Variants in SMYD3 observed in about 807,000 individuals in gnomAD.
SMYD3 encodes SET and MYND domain containing 3.
A neutral mutation model predicts 57.7 loss-of-function variants in SMYD3; 36 were observed. The ratio of observed to expected loss-of-function variants is 0.62; its 90% CI spans 0.48 to 0.82. The LOEUF is 0.82. Ranked by LOEUF, SMYD3 falls within the 40% of genes least tolerant of loss-of-function variation. SMYD3 has a pLI of 0.00. For synonymous variants in SMYD3, 211 were observed against 195.0 expected (o/e 1.08, Z -0.68); for missense variants, 515 against 538.8 (o/e 0.96, Z 0.44).
At chr1:245,793,156 A>AG (rs1456646619) in intron 10 of SMYD3, among the ~76,000 whole-genome samples, 1 of 149,282 alleles carries the variant, frequency 6.7e-6, no homozygotes, top group Non-Finnish European at 1.5e-5. Flanking sequence ...AAAAATACAA[A>AG]AAATGAGCCG....
intron 5 of SMYD3, among the ~76,000 whole-genome samples, chr1:246,301,288 T>G (rs963798003): frequency 1.3e-5 from 2 of 152,162 alleles, no homozygotes; most frequent in African/African-American, 4.8e-5. Context: ...CAAACATTTA[T>G]TAAGCAATTC....
At chr1:245,806,411 A>G (rs1319915267) in intron 10 of SMYD3, among the ~76,000 whole-genome samples, 3 of 152,224 alleles carry the variant, frequency 2.0e-5, no homozygotes, top group Admixed American at 1.3e-4. Context: ...TCCATTTTAG[A>G]AATGGGAAAA....
chr1:246,147,368 A>C (rs919451694), intron 5 of SMYD3, among the ~76,000 whole-genome samples: 3 of 152,164 alleles, frequency 2.0e-5, no homozygotes. Context: ...TGAGACAAAG[A>C]AGCTAGAAAA....
intron 5 of SMYD3, among the ~76,000 whole-genome samples, chr1:246,155,003 G>A (rs369557458): frequency 6.6e-6 from 1 of 151,854 alleles, no homozygotes; most frequent in African/African-American, 2.4e-5. Flanking sequence ...GGATGGTCTC[G>A]AGCTCCTGAC....
intron 10 of SMYD3, among the ~76,000 whole-genome samples, chr1:245,791,614 G>C (rs1204394823): frequency 2.2e-5 from 3 of 138,870 alleles, no homozygotes; most frequent in Non-Finnish European, 3.1e-5. Flanking sequence ...ACGGGAGAAA[G>C]AGAGAGGGGG....
intron 5 of SMYD3, among the ~76,000 whole-genome samples, chr1:246,324,766 T>G (rs565473748): frequency 6.6e-6 from 1 of 151,652 alleles, no homozygotes; most frequent in South Asian, 2.1e-4. Flanking sequence ...TTTCTTCTCT[T>G]TGATTAATTA....
chr1:246,485,167 T>C (rs927165120), intron 1 of SMYD3, among the ~76,000 whole-genome samples: 1 of 147,860 alleles, frequency 6.8e-6, no homozygotes, highest in African/African-American at 2.5e-5. Context: ...ACCTAAACTA[T>C]TGCACTAGTT....
Position 246,093,600 on chromosome 1 carries a change from G to A in SMYD3, c.532-163663C>T, listed in dbSNP as rs143826260. Among the ~76,000 whole-genome samples, 5 of 152,240 alleles carry A rather than the reference G, an allele frequency of 3.3e-5. No individual in the cohort carries two copies. The East Asian group carries it at 5.8e-4, about 18-fold the overall frequency. On this transcript the variant is annotated intron_variant, in intron 5 of 11. Transcript: ENST00000490107. ...AGAGAGTAGAGGGGTGGTTATCAGC[G>A]GCTGCGAACAGTAGTGGGGGATGAA...
At chr1:246,140,415 A>C (rs2061734305) in intron 5 of SMYD3, among the ~76,000 whole-genome samples, 1 of 152,218 alleles carries the variant, frequency 6.6e-6, no homozygotes, top group South Asian at 2.1e-4. Context: ...AGGTCAACAA[A>C]TGTTAGCTTT....
intron 8 of SMYD3, among the ~76,000 whole-genome samples, chr1:245,896,483 G>A (rs2053810941): frequency 6.6e-6 from 1 of 151,666 alleles, no homozygotes; most frequent in Admixed American, 6.6e-5. Context: ...CAGGGCCTGA[G>A]GTCTGGAAGT....
Position 246,452,846 on chromosome 1 carries a change from T to C in SMYD3, c.164+54208A>G, listed in dbSNP as rs192911794. ...CATATCAGTCTATAACTTTCTAATG[T>C]TTTACTGGAAACATTACTGAAACAC... On this transcript the variant is annotated intron_variant, in intron 1 of 11. Coordinates refer to ENST00000490107, the MANE Select transcript of SMYD3 (RefSeq NM_001167740.2). Among the ~76,000 whole-genome samples the C allele has an allele frequency of 4.6e-5, 7 of 152,284 alleles. No individual in the cohort carries two copies. The East Asian group carries it at 9.6e-4, about 21-fold the overall frequency.
At chr1:246,281,712 A>C (rs1396082986) in intron 5 of SMYD3, among the ~76,000 whole-genome samples, 1 of 152,222 alleles carries the variant, frequency 6.6e-6, no homozygotes, top group Non-Finnish European at 1.5e-5. Context: ...TATGGGCATA[A>C]CCTATGCTTA....
chr1:246,290,503 T>C (rs940727696), intron 5 of SMYD3, among the ~76,000 whole-genome samples: 2 of 152,228 alleles, frequency 1.3e-5, no homozygotes, highest in Non-Finnish European at 2.9e-5. Flanking sequence ...TTGTCTAACC[T>C]TGAAATTGGC....
chr1:245,749,623 G>T lies in SMYD3; in HGVS notation c.1227C>A (p.Ser409Arg). 6.2e-7 allele frequency: 1 copy of T among 1,614,096 alleles called. No individual in the cohort carries two copies. Among genetic ancestry groups the T allele is most frequent in the Non-Finnish European group, 8.5e-7 (1 of 1,179,996 alleles). Residue 409 changes from serine (S) to arginine (R), a missense_variant, in exon 12 of 12, where the codon AGC (serine) becomes AGA (arginine). Coordinates refer to ENST00000490107, the MANE Select transcript of SMYD3 (RefSeq NM_001167740.2). The part of the protein sequence containing the change: ...IMRVTHGREH[S>R]LIEDLILLLE... ...AAAGTAGAATCAAATCTTCAATCAG[G>T]CTGTGTTCTCTGCCATGTGTCACTC...
At chr1:246,191,244 G>A (rs1039416134) in intron 5 of SMYD3, among the ~76,000 whole-genome samples, 1 of 152,196 alleles carries the variant, frequency 6.6e-6, no homozygotes, top group Non-Finnish European at 1.5e-5. Context: ...TGGTGATGTG[G>A]TTTTGAGATT....
At chr1:246,331,062 C>G (rs1001075936) in intron 3 of SMYD3, among the ~76,000 whole-genome samples, 1 of 152,084 alleles carries the variant, frequency 6.6e-6, no homozygotes, top group African/African-American at 2.4e-5. Flanking sequence ...TTGAGCCCAG[C>G]AGTTCAAGCT....
At chr1:246,342,328 T>C (rs2065645703) in intron 2 of SMYD3, among the ~76,000 whole-genome samples, 1 of 152,218 alleles carries the variant, frequency 6.6e-6, no homozygotes, top group Non-Finnish European at 1.5e-5. Context: ...CTTAGGATAG[T>C]TGAGCTGCCA....
At chr1:246,490,971 C>T (rs994615024) in intron 1 of SMYD3, among the ~76,000 whole-genome samples, 29 of 124,906 alleles carry the variant, frequency 2.3e-4, no homozygotes, top group African/African-American at 7.0e-4. Context: ...ACACAAAATA[C>T]TTCCACATGT....
chr1:246,408,663 C>CTTTTTTTTTT (rs5782392), intron 1 of SMYD3, among the ~76,000 whole-genome samples: 1 of 65,520 alleles, frequency 1.5e-5, no homozygotes, highest in African/African-American at 5.7e-5. Context: ...AGAAGCAAGT[C>CTTTTTTTTTT]TTTTTTTTTT....
Sources: allele counts gnomAD v4.1 joint callset (sites outside exome capture counted in the v4.1 genomes callset), GRCh38; gene constraint gnomAD v4.1.1; transcripts MANE v1.5; gene names NCBI Gene and HGNC (gene_info 2026-07-23, HGNC 2026-07-21).